The following LSM12 variants were observed in gnomAD, a reference collection of about 807,000 sequenced individuals.
LSM12 encodes the protein LSM12 homolog.
For synonymous variants in LSM12, 74 were observed against 87.3 expected (o/e 0.85, Z 0.85); for missense variants, 108 against 238.9 (o/e 0.45, Z 3.61).
chr17:44,057,286 A>C (rs2049728806), intron 2 of LSM12, among the ~76,000 whole-genome samples: 1 of 149,634 alleles, frequency 6.7e-6, no homozygotes, highest in Non-Finnish European at 1.5e-5. Flanking sequence ...AGTAGCTGGG[A>C]CTACAGGCAC....
rs1295997596 is a variant in LSM12 at position 44,066,655 on chromosome 17, C to G, written c.-68G>C. ...GGGCGAAAGCCGGGCCCCCAGTGAG[C>G]GCCGCGACGCGACGGCGCGCACGGA... is the stretch of plus-strand genomic sequence containing the variant. On this transcript the variant is annotated 5_prime_UTR_variant, in exon 1 of 5. Coordinates refer to ENST00000293406, the MANE Select transcript of LSM12 (RefSeq NM_001371445.1). 6.2e-5 allele frequency: 78 copies of G among 1,268,030 alleles called. No homozygotes were observed. The East Asian group carries it at 2.3e-3, about 38-fold the overall frequency. 78.5% of individuals were successfully genotyped at this position (1,268,030 alleles called of 1,614,324 possible).
chr17:44,057,942 A>G (rs2049740081), intron 2 of LSM12, among the ~76,000 whole-genome samples: 1 of 99,706 alleles, frequency 1.0e-5, no homozygotes, highest in Admixed American at 9.5e-5. Context: ...GTTAGCTACA[A>G]TAAAAAAATC....
intron 1 of LSM12, among the ~76,000 whole-genome samples, chr17:44,065,950 C>A (rs1366381946): frequency 1.3e-5 from 2 of 152,128 alleles, no homozygotes; most frequent in Non-Finnish European, 2.9e-5. Context: ...TACTCTCCCC[C>A]AAAACAGGCA....
At chr17:44,056,497 C>T (rs2049716493) in intron 2 of LSM12, among the ~76,000 whole-genome samples, 2 of 151,958 alleles carry the variant, frequency 1.3e-5, no homozygotes, top group South Asian at 4.1e-4. Flanking sequence ...TGGCACACAC[C>T]TGTAGTCCCA....
chr17:44,056,139 G>A (rs963964902), intron 2 of LSM12, among the ~76,000 whole-genome samples: 2 of 151,920 alleles, frequency 1.3e-5, no homozygotes, highest in African/African-American at 2.4e-5. Flanking sequence ...CGGGCATGCT[G>A]GTGCATGCCT....
At chr17:44,041,701 T>C (rs1445265365) in intron 2 of LSM12, among the ~76,000 whole-genome samples, 1 of 152,216 alleles carries the variant, frequency 6.6e-6, no homozygotes, top group Non-Finnish European at 1.5e-5. Context: ...TCGTAACTTC[T>C]ACCCTGTCAA....
rs1389189078 is a variant in LSM12, at chr17:44,066,625, G to C, written c.-38C>G. 2 of 1,313,888 alleles carry C rather than the reference G, an allele frequency of 1.5e-6. No homozygotes were observed. Among genetic ancestry groups the C allele is most frequent in the Non-Finnish European group, 9.7e-7 (1 of 1,028,336 alleles). 81.4% of individuals were successfully genotyped at this position (1,313,888 alleles called of 1,614,324 possible). ...GCCGCGGCCGGCGGCGGCGGCGGCA[G>C]CAGCGGGCGAAAGCCGGGCCCCCAG... On this transcript the variant is annotated 5_prime_UTR_variant, in exon 1 of 5. Transcript: ENST00000293406.
chr17:44,041,290 AAC>A (rs72358942), intron 2 of LSM12, among the ~76,000 whole-genome samples: 4,773 of 110,356 alleles, frequency 0.043, 123 homozygotes, highest in East Asian at 0.12. Context: ...AAAAAAAACA[AAC>A]ACACACACAC....
intron 2 of LSM12, among the ~76,000 whole-genome samples, chr17:44,054,196 T>C (rs574055080): frequency 9.0e-4 from 137 of 152,346 alleles, no homozygotes; most frequent in African/African-American, 3.2e-3. Flanking sequence ...TGCCATGCAC[T>C]ATAACCTGAA....
intron 2 of LSM12, among the ~76,000 whole-genome samples, chr17:44,040,632 G>A (rs1382854060): frequency 6.6e-6 from 1 of 152,080 alleles, no homozygotes; most frequent in East Asian, 1.9e-4. Flanking sequence ...ATTATAGAGT[G>A]TGGCTGGGGG....
intron 2 of LSM12, among the ~76,000 whole-genome samples, chr17:44,041,334 AACACAC>A (rs1389054042): frequency 9.6e-6 from 1 of 104,546 alleles, no homozygotes; most frequent in Admixed American, 9.7e-5. Flanking sequence ...CACACACACA[AACACAC>A]ACACACACAC....
intron 2 of LSM12, among the ~76,000 whole-genome samples, chr17:44,060,069 G>T (rs2049776103): frequency 6.6e-6 from 1 of 152,174 alleles, no homozygotes; most frequent in Non-Finnish European, 1.5e-5. Flanking sequence ...GGAGGCTGAG[G>T]CAGGAGAATG....
At chr17:44,036,635 A>G (rs1285992947) in intron 4 of LSM12, among the ~76,000 whole-genome samples, 1 of 152,116 alleles carries the variant, frequency 6.6e-6, no homozygotes, top group Non-Finnish European at 1.5e-5. Flanking sequence ...GGGGAATTAC[A>G]GTCTTATCAA....
intron 2 of LSM12, among the ~76,000 whole-genome samples, chr17:44,042,398 A>G (rs1440189510): frequency 1.3e-5 from 2 of 152,126 alleles, no homozygotes; most frequent in Non-Finnish European, 2.9e-5. Context: ...ACCATAAACT[A>G]AGCATAGCTT....
chr17:44,049,349 C>G (rs1046973205), intron 2 of LSM12, among the ~76,000 whole-genome samples: 1 of 152,084 alleles, frequency 6.6e-6, no homozygotes, highest in Non-Finnish European at 1.5e-5. Flanking sequence ...CATGATCCTA[C>G]ACAATGCAGT....
In LSM12 at chr17:44,065,567, T is replaced by C. The variant is rs78173188; in HGVS notation, c.124+897A>G. Among the ~76,000 whole-genome samples, 1,378 of 152,216 alleles carry C rather than the reference T, an allele frequency of 9.1e-3. 19 individuals are homozygous for C. Among genetic ancestry groups the C allele is most frequent in the African/African-American group, 0.031 (1,295 of 41,520 alleles). On this transcript the variant is annotated intron_variant, in intron 1 of 4. Coordinates refer to ENST00000293406, the MANE Select transcript of LSM12 (RefSeq NM_001371445.1). ...TTTATCCCAACAAGGAAGTGTTTCA[T>C]TTCCAAGACTGAGTTTCCTGGAGTA...
intron 4 of LSM12, 83 bp from the exon 5 acceptor site, chr17:44,036,383 C>G: frequency 6.4e-7 from 1 of 1,562,498 alleles, no homozygotes; most frequent in Non-Finnish European, 8.8e-7. Flanking sequence ...GTTTCCACAG[C>G]CCCATCCTGG....
chr17:44,052,011 G>A (rs1286971963), intron 2 of LSM12, among the ~76,000 whole-genome samples: 2 of 152,096 alleles, frequency 1.3e-5, no homozygotes, highest in African/African-American at 4.8e-5. Context: ...GGGAGGCTGA[G>A]GCAGGAGAAT....
intron 2 of LSM12, among the ~76,000 whole-genome samples, chr17:44,043,097 A>C (rs1209810282): frequency 6.6e-6 from 1 of 152,160 alleles, no homozygotes; most frequent in Non-Finnish European, 1.5e-5. Flanking sequence ...TTGACTATGA[A>C]AAAAAAGGAG....
Sources: allele counts gnomAD v4.1 joint callset (sites outside exome capture counted in the v4.1 genomes callset), GRCh38; gene constraint gnomAD v4.1.1; transcripts MANE v1.5; gene names NCBI Gene and HGNC (gene_info 2026-07-23, HGNC 2026-07-21).